Variants in PLXNA2 observed in about 807,000 individuals in gnomAD.
PLXNA2 encodes the protein plexin-A2.
In PLXNA2, 91 loss-of-function variants were observed where a neutral mutation model predicts 193.5. That is an observed-to-expected ratio of 0.47 (90% CI 0.40 to 0.56). The LOEUF (loss-of-function observed/expected upper bound fraction) is 0.56, where lower values mean the gene tolerates loss of function less well. Ranked by LOEUF, PLXNA2 falls within the 20% of genes least tolerant of loss-of-function variation. The pLI, the probability that PLXNA2 is intolerant of heterozygous loss-of-function variation, is 0.00. For missense variants in PLXNA2, 1,995 were observed against 2,503.2 expected (o/e 0.80, Z 4.33); for synonymous variants, 997 against 1,027.3 (o/e 0.97, Z 0.56).
chr1:208,135,611 T>TC (rs1668277755), intron 4 of PLXNA2, among the ~76,000 whole-genome samples: 1 of 152,128 alleles, frequency 6.6e-6, no homozygotes, highest in Admixed American at 6.5e-5. Flanking sequence ...TGTCAGTACT[T>TC]CCCCACATGT....
At chr1:208,231,567 C>T (rs1671694210) in intron 1 of PLXNA2, among the ~76,000 whole-genome samples, 1 of 152,144 alleles carries the variant, frequency 6.6e-6, no homozygotes, top group Non-Finnish European at 1.5e-5. Context: ...TCGGAAAAAC[C>T]TTTCTTCTGA....
In PLXNA2 at chr1:208,025,889, G is replaced by A. The variant is rs1156479876; in HGVS notation, c.*1354C>T. On this transcript the variant is annotated 3_prime_UTR_variant, in exon 32 of 32. Coordinates refer to ENST00000367033, the MANE Select transcript of PLXNA2 (RefSeq NM_025179.4). ...TGAGAGGCAGAAAGAGAGGCAGAAGGTAGTAACGTGGGCATGCCACAGTCA... is the reference window on the plus strand; with the variant it reads ...TGAGAGGCAGAAAGAGAGGCAGAAGATAGTAACGTGGGCATGCCACAGTCA... 4 of 152,648 alleles carry A rather than the reference G, an allele frequency of 2.6e-5. No homozygotes were observed. Among genetic ancestry groups the A allele is most frequent in the African/African-American group, 9.6e-5 (4 of 41,460 alleles). The allele number at this position is 152,648 out of a possible 1,614,324, so 9.5% of individuals were successfully genotyped here.
chr1:208,044,286 G>T lies in PLXNA2; in HGVS notation c.3874+222C>A, dbSNP rs1436777479. Among the ~76,000 whole-genome samples the T allele has an allele frequency of 6.6e-6, 1 of 152,236 alleles. No individual in the cohort carries two copies. The highest frequency in any genetic ancestry group is 1.5e-5 in the Non-Finnish European group (1 of 68,046). ...ATGGGTCAGGGCAAAGAAGGGACTA[G>T]AACAATGCAATTGGACCTGGGTCCT... is the stretch of plus-strand genomic sequence containing the variant. On this transcript the variant is annotated intron_variant, in intron 20 of 31. Transcript: ENST00000367033. The surrounding 1 kb of genome is among the most constrained non-coding windows in gnomAD (Gnocchi z 4.9).
intron 4 of PLXNA2, among the ~76,000 whole-genome samples, chr1:208,122,611 G>A (rs560921209): frequency 6.6e-6 from 1 of 152,138 alleles, no homozygotes; most frequent in African/African-American, 2.4e-5. Flanking sequence ...GCTTCCTAGG[G>A]TTAAGGAAAG....
At chr1:208,144,442 T>C (rs186763112) in intron 3 of PLXNA2, among the ~76,000 whole-genome samples, 1 of 152,282 alleles carries the variant, frequency 6.6e-6, no homozygotes, top group Non-Finnish European at 1.5e-5. Flanking sequence ...GGACTCGATG[T>C]ACATGGGAAA....
At chr1:208,137,817 T>C (rs1020668826) in intron 4 of PLXNA2, among the ~76,000 whole-genome samples, 3 of 152,234 alleles carry the variant, frequency 2.0e-5, no homozygotes, top group African/African-American at 4.8e-5. Context: ...ATGAGTGCTA[T>C]ATTGGATTGT....
chr1:208,124,824 T>C (rs1396771148), intron 4 of PLXNA2, among the ~76,000 whole-genome samples: 1 of 151,876 alleles, frequency 6.6e-6, no homozygotes, highest in South Asian at 2.1e-4. Context: ...TAGCTTGAAT[T>C]ATAGGGAGAG....
chr1:208,039,415 A>G (rs1391907915), intron 24 of PLXNA2, among the ~76,000 whole-genome samples: 1 of 143,568 alleles, frequency 7.0e-6, no homozygotes, highest in African/African-American at 2.5e-5. Flanking sequence ...AATATTATCT[A>G]GGATAAACCG....
chr1:208,152,668 T>TACACACACACACGCAC (rs1427895680), intron 3 of PLXNA2, among the ~76,000 whole-genome samples: 4 of 137,652 alleles, frequency 2.9e-5, no homozygotes, highest in African/African-American at 8.5e-5. Context: ...TGCATACACA[T>TACACACACACACGCAC]ACACACACAC....
chr1:208,036,680 CCT>C (rs1471163489), intron 26 of PLXNA2, among the ~76,000 whole-genome samples: 1 of 152,212 alleles, frequency 6.6e-6, no homozygotes, highest in Non-Finnish European at 1.5e-5. Context: ...CCTGCTGTCC[CCT>C]GTCACTCAGG....
Position 208,103,129 on chromosome 1 carries a change from A to C in PLXNA2, c.1607+18T>G. ...TCTTCTGCATGCCAAACCCTTTTCC[A>C]GTATACCCCAAACTTACATGTTGTG... On this transcript the variant is annotated intron_variant, in intron 5 of 31. Coordinates refer to ENST00000367033, the MANE Select transcript of PLXNA2 (RefSeq NM_025179.4). The C allele has an allele frequency of 1.3e-6, 2 of 1,586,124 alleles. No individual in the cohort carries two copies. Among genetic ancestry groups the C allele is most frequent in the Non-Finnish European group, 8.7e-7 (1 of 1,154,932 alleles).
chr1:208,173,243 T>C (rs1041825030), intron 3 of PLXNA2, among the ~76,000 whole-genome samples: 1 of 152,238 alleles, frequency 6.6e-6, no homozygotes, highest in African/African-American at 2.4e-5. Flanking sequence ...GTGTGTTTAC[T>C]AGTATTACGG....
intron 3 of PLXNA2, among the ~76,000 whole-genome samples, chr1:208,201,593 G>T (rs901743943): frequency 7.2e-5 from 11 of 152,168 alleles, no homozygotes; most frequent in Admixed American, 5.9e-4. Flanking sequence ...ACCCCAGGGA[G>T]CCAGGGAAGA....
intron 29 of PLXNA2, chr1:208,031,077 GGGC>G: frequency 2.0e-6 from 2 of 990,516 alleles, no homozygotes; most frequent in South Asian, 4.6e-5. Flanking sequence ...CCCTGTCAGT[GGGC>G]TCAAGTCTAT....
Position 208,026,718 on chromosome 1 carries a change from AT to A in PLXNA2, c.*524del, listed in dbSNP as rs1309123307. Reference sequence around the variant, plus strand: ...CATTTTCTCTCCAATGTCTCTCAGCATCTCTGCTTTCTCTGGCATTTGGAAA... The same window carrying A: ...CATTTTCTCTCCAATGTCTCTCAGCACTCTGCTTTCTCTGGCATTTGGAAA... On this transcript the variant is annotated 3_prime_UTR_variant, in exon 32 of 32. Coordinates refer to ENST00000367033, the MANE Select transcript of PLXNA2 (RefSeq NM_025179.4). 2 of 148,834 alleles carry A rather than the reference AT, an allele frequency of 1.3e-5. No individual in the cohort carries two copies. Among genetic ancestry groups the A allele is most frequent in the African/African-American group, 5.0e-5 (2 of 39,892 alleles). 9.2% of individuals were successfully genotyped at this position (148,834 alleles called of 1,614,324 possible). A position where few individuals can be genotyped will look rare whatever the true frequency, so the allele number is the denominator to read the frequency against.
intron 26 of PLXNA2, among the ~76,000 whole-genome samples, chr1:208,036,461 C>G (rs911310825): frequency 1.3e-5 from 2 of 152,178 alleles, no homozygotes; most frequent in African/African-American, 4.8e-5. Flanking sequence ...GCTGCTTACC[C>G]GCTCCAGGAC....
rs1671761927 is a variant in PLXNA2 at position 208,233,678 on chromosome 1, C to T, written c.-81+9965G>A. On this transcript the variant is annotated intron_variant, in intron 1 of 31. Coordinates refer to ENST00000367033, the MANE Select transcript of PLXNA2 (RefSeq NM_025179.4). ...CGCAGCCTTGTGAGACTGGAGCTCT[C>T]TGCGCCTCCCAGCCAGCACAGTTTG... 2.0e-5 allele frequency among the ~76,000 whole-genome samples: 3 copies of T among 152,388 alleles called. No individual in the cohort carries two copies. In the South Asian group the frequency reaches 6.2e-4, roughly 32 times the overall value.
intron 3 of PLXNA2, among the ~76,000 whole-genome samples, chr1:208,185,273 C>T (rs1368433570): frequency 6.6e-6 from 1 of 152,158 alleles, no homozygotes; most frequent in African/African-American, 2.4e-5. Context: ...CAGGTACCTT[C>T]GATGATGTTC....
In PLXNA2 at chr1:208,045,950, G is replaced by T; in HGVS notation, c.3423C>A (p.Pro1141=). 1 of 1,614,250 alleles carries T rather than the reference G, an allele frequency of 6.2e-7. No homozygotes were observed. The highest frequency in any genetic ancestry group is 8.5e-7 in the Non-Finnish European group (1 of 1,180,040). Residue 1141 remains proline (P), a synonymous_variant, in exon 18 of 32, where the codon CCC becomes CCA. Coordinates refer to ENST00000367033, the MANE Select transcript of PLXNA2 (RefSeq NM_025179.4). ...GGCTAAGCAGTTCAAAGGTCGGGTT[G>T]GGGTAGTAGATAAACTTGGTGTCGT... ...IYNDTKFIYY[P]NPTFELLSPT...
Sources: allele counts gnomAD v4.1 joint callset (sites outside exome capture counted in the v4.1 genomes callset), GRCh38; gene constraint gnomAD v4.1.1; non-coding constraint Gnocchi (gnomAD v3.1); transcripts MANE v1.5; gene names NCBI Gene and HGNC (gene_info 2026-07-23, HGNC 2026-07-21).